Variants in DAB1 observed in about 807,000 individuals in gnomAD.
The protein encoded by DAB1 is disabled homolog 1.
DAB1 carries 15 observed loss-of-function variants against 64.6 expected under a neutral mutation model. The ratio of observed to expected loss-of-function variants is 0.23; its 90% confidence interval spans 0.16 to 0.36. The LOEUF (loss-of-function observed/expected upper bound fraction) is 0.36. Among genes scored for constraint, DAB1 ranks in the 10% least tolerant of loss-of-function variants. The probability of loss-of-function intolerance (pLI) is 1.00; values close to 1 mark genes in which losing one functional copy is unlikely to be tolerated. For synonymous variants in DAB1, 235 were observed against 251.9 expected (o/e 0.93, Z 0.64); for missense variants, 596 against 706.7 (o/e 0.84, Z 1.78).
chr1:57,074,855 T>C (rs192372998), intron 4 of DAB1, among the ~76,000 whole-genome samples: 2 of 152,278 alleles, frequency 1.3e-5, no homozygotes, highest in East Asian at 3.9e-4. Flanking sequence ...CCCATTAATT[T>C]TTGTTTTATT....
At chr1:58,287,502 C>T (rs1047430274) in intron 4 of DAB1, among the ~76,000 whole-genome samples, 1 of 152,076 alleles carries the variant, frequency 6.6e-6, no homozygotes, top group African/African-American at 2.4e-5. Flanking sequence ...ATGGCTTGCT[C>T]TCATGGTTCG....
chr1:58,210,713 T>C (rs1356108047), intron 4 of DAB1, among the ~76,000 whole-genome samples: 3 of 152,190 alleles, frequency 2.0e-5, no homozygotes, highest in Non-Finnish European at 4.4e-5. Flanking sequence ...TTAGCACCTA[T>C]CATGTGCCAG....
intron 4 of DAB1, among the ~76,000 whole-genome samples, chr1:57,133,944 T>C (rs1301275786): frequency 6.6e-6 from 1 of 152,150 alleles, no homozygotes; most frequent in Non-Finnish European, 1.5e-5. Flanking sequence ...GCTCATAATT[T>C]CCAGTAGAGA....
chr1:58,026,266 T>C (rs1020853688), intron 5 of DAB1, among the ~76,000 whole-genome samples: 3 of 152,204 alleles, frequency 2.0e-5, no homozygotes, highest in Non-Finnish European at 2.9e-5. Flanking sequence ...ATGGAAAGAA[T>C]ATCGCAAGAA....
intron 6 of DAB1, among the ~76,000 whole-genome samples, chr1:57,709,626 C>T (rs1489971681): frequency 1.3e-5 from 2 of 152,088 alleles, no homozygotes; most frequent in East Asian, 3.9e-4. Context: ...GAGAAGGGTC[C>T]CAGAGAAAAT....
At chr1:58,437,027 G>C (rs778571651) in intron 3 of DAB1, among the ~76,000 whole-genome samples, 1 of 152,148 alleles carries the variant, frequency 6.6e-6, no homozygotes, top group Admixed American at 6.5e-5. Context: ...CCAGTCTCTG[G>C]GCCTGCAGCC....
At chr1:58,165,435 C>T (rs1655780926) in intron 4 of DAB1, among the ~76,000 whole-genome samples, 1 of 152,156 alleles carries the variant, frequency 6.6e-6, no homozygotes, top group Non-Finnish European at 1.5e-5. Context: ...TATCAGTCTG[C>T]AAAAGGAGGC....
intron 4 of DAB1, among the ~76,000 whole-genome samples, chr1:57,114,982 A>G (rs1655982318): frequency 6.6e-6 from 1 of 152,056 alleles, no homozygotes; most frequent in Non-Finnish European, 1.5e-5. Flanking sequence ...GGTTATTAGG[A>G]GAATTAAATT....
chr1:57,760,081 C>T (rs1195807746), intron 6 of DAB1, among the ~76,000 whole-genome samples: 1 of 152,136 alleles, frequency 6.6e-6, no homozygotes, highest in Non-Finnish European at 1.5e-5. Context: ...AACTGAAGCT[C>T]TCCATGGAGT....
intron 5 of DAB1, among the ~76,000 whole-genome samples, chr1:57,998,253 A>T (rs1570197752): frequency 6.6e-6 from 1 of 152,334 alleles, no homozygotes; most frequent in East Asian, 1.9e-4. Flanking sequence ...TGAACAAGTT[A>T]TTTAACACCA....
chr1:57,220,593 A>G (rs984591890), intron 2 of DAB1, among the ~76,000 whole-genome samples: 2 of 152,244 alleles, frequency 1.3e-5, no homozygotes, highest in Admixed American at 6.5e-5. Flanking sequence ...TGGGCAAAGG[A>G]TATGAACAGA....
intron 4 of DAB1, among the ~76,000 whole-genome samples, chr1:58,292,758 T>C (rs1338816639): frequency 1.3e-5 from 2 of 152,184 alleles, no homozygotes; most frequent in East Asian, 1.9e-4. Context: ...TCCCCAGAGA[T>C]ACATGCAAAG....
At chr1:57,404,653 T>A (rs3908772) in intron 1 of DAB1, among the ~76,000 whole-genome samples, 2,224 of 152,218 alleles carry the variant, frequency 0.015, 24 homozygotes, top group South Asian at 0.035. Context: ...GAGAAAAAAA[T>A]ACTGAAAGAA....
At chr1:58,421,045 T>C (rs1338537328) in intron 3 of DAB1, among the ~76,000 whole-genome samples, 2 of 152,164 alleles carry the variant, frequency 1.3e-5, no homozygotes, top group Non-Finnish European at 2.9e-5. Context: ...AACTCTTATT[T>C]CCAGATCACA....
chr1:57,650,529 T>C (rs918110887), intron 6 of DAB1, among the ~76,000 whole-genome samples: 15 of 152,336 alleles, frequency 9.8e-5, no homozygotes, highest in Middle Eastern at 3.4e-3. Context: ...TTTTAAATGT[T>C]CACTATACAG....
At chr1:57,040,040 G>A (rs1214983692) in intron 9 of DAB1, among the ~76,000 whole-genome samples, 3 of 152,136 alleles carry the variant, frequency 2.0e-5, no homozygotes, top group Admixed American at 1.3e-4. Flanking sequence ...TAGAAAACAA[G>A]AAATTATACA....
chr1:57,566,460 C>A (rs1321154329), intron 7 of DAB1, among the ~76,000 whole-genome samples: 4 of 152,056 alleles, frequency 2.6e-5, no homozygotes, highest in Admixed American at 2.6e-4. Context: ...ACACAAAAAA[C>A]CCTTCAAAAA....
Position 58,406,655 on chromosome 1 carries a change from T to C in DAB1, n.258-63252A>G, listed in dbSNP as rs1298194257. On this transcript the variant is annotated intron_variant and non_coding_transcript_variant, in intron 3 of 20. Transcript: ENST00000485760. ...TCAAGGTCAGTTCCTCTGGTTCCTGTTCTGATTCCCTCTGACTCTGCTCCA... is the reference window on the plus strand; with the variant it reads ...TCAAGGTCAGTTCCTCTGGTTCCTGCTCTGATTCCCTCTGACTCTGCTCCA... 3.3e-5 allele frequency among the ~76,000 whole-genome samples: 5 copies of C among 152,208 alleles called. No individual in the cohort carries two copies. In the South Asian group the frequency reaches 1.0e-3, roughly 32 times the overall value.
intron 5 of DAB1, among the ~76,000 whole-genome samples, chr1:58,150,017 T>TAC (rs1654831387): frequency 6.6e-6 from 1 of 152,244 alleles, no homozygotes; most frequent in African/African-American, 2.4e-5. Context: ...AGCCAATGAT[T>TAC]ACATTAGCTT....
Sources: allele counts gnomAD v4.1 joint callset (sites outside exome capture counted in the v4.1 genomes callset), GRCh38; gene constraint gnomAD v4.1.1; transcripts MANE v1.5; gene names NCBI Gene and HGNC (gene_info 2026-07-23, HGNC 2026-07-21).